Variants in SNX18 observed in about 807,000 individuals in gnomAD.
SNX18 encodes sorting nexin-18.
SNX18 carries 35 observed loss-of-function variants against 48.7 expected under a neutral mutation model. The observed-to-expected ratio is 0.72, with a 90% CI of 0.55 to 0.95. SNX18 has a LOEUF of 0.95. SNX18 is among the 40% of genes least tolerant of loss of function. The pLI, the probability that SNX18 is intolerant of heterozygous loss-of-function variation, is 0.00. For missense variants in SNX18, 824 were observed against 871.0 expected, an observed-to-expected ratio of 0.95 and a Z score of 0.68; for synonymous variants, 492 against 384.7, an observed-to-expected ratio of 1.28 and a Z score of -3.26.
At chr5:54,588,309 T>TA in the SNX18 span, among the ~76,000 whole-genome samples, 1,552 of 7,496 alleles carry the variant, frequency 0.21, 34 homozygotes, top group South Asian at 0.25. Flanking sequence ...TTCTATTCTT[T>TA]TTTTTTTTTT....
chr5:54,593,667 G>A, the SNX18 span, among the ~76,000 whole-genome samples: 3 of 152,192 alleles, frequency 2.0e-5, no homozygotes, highest in Non-Finnish European at 2.9e-5. Context: ...GTAATCCACA[G>A]AGTGTGGTGT....
At chr5:54,646,460 C>A in the SNX18 span, among the ~76,000 whole-genome samples, 7 of 152,338 alleles carry the variant, frequency 4.6e-5, no homozygotes, top group African/African-American at 1.7e-4. Flanking sequence ...TCACTGCTGC[C>A]GGTTGCCCTG....
chr5:54,542,944 G>A (rs760238849), intron 1 of SNX18, among the ~76,000 whole-genome samples: 1 of 152,130 alleles, frequency 6.6e-6, no homozygotes, highest in African/African-American at 2.4e-5. Context: ...CTTGGTCAAT[G>A]TAACAAACAC....
rs1762210540 is a variant in SNX18, at chr5:54,529,388, T to G, written c.1621+9815T>G. Among the ~76,000 whole-genome samples, 4 of 152,320 alleles carry G rather than the reference T, an allele frequency of 2.6e-5. No individual in the cohort carries two copies. The South Asian group carries it at 8.3e-4, about 32-fold the overall frequency. On this transcript the variant is annotated intron_variant, in intron 1 of 1. Coordinates refer to ENST00000381410, the MANE Select transcript of SNX18 (RefSeq NM_001102575.2). The stretch of plus-strand genomic sequence containing the variant: ...CGCCTGTTTGTTACAGTGCTTGAGC[T>G]AAGAATGGTTTTTGTATTTTTAAAT...
At chr5:54,625,258 T>A in the SNX18 span, among the ~76,000 whole-genome samples, 2 of 152,198 alleles carry the variant, frequency 1.3e-5, no homozygotes, top group African/African-American at 2.4e-5. Flanking sequence ...TCACAACTTC[T>A]GTGGGTCAGA....
chr5:54,612,419 C>T, the SNX18 span, among the ~76,000 whole-genome samples: 274 of 152,082 alleles, frequency 1.8e-3, no homozygotes, highest in Non-Finnish European at 3.1e-3. Context: ...CCACCACACC[C>T]GGCTACTTTT....
chr5:54,548,491 T>C (rs1762608678), downstream of SNX18, among the ~76,000 whole-genome samples: 1 of 152,228 alleles, frequency 6.6e-6, no homozygotes, highest in Non-Finnish European at 1.5e-5. Context: ...AAGGCAGCAA[T>C]TTGGAGCCAG....
chr5:54,618,205 T>C, the SNX18 span, among the ~76,000 whole-genome samples: 2 of 152,194 alleles, frequency 1.3e-5, no homozygotes, highest in Admixed American at 6.5e-5. Flanking sequence ...CCTGCCGCCA[T>C]GTGAAGAAGG....
chr5:54,525,535 C>T (rs1026407255), intron 1 of SNX18, among the ~76,000 whole-genome samples: 3 of 152,270 alleles, frequency 2.0e-5, no homozygotes, highest in South Asian at 2.1e-4. Flanking sequence ...TTAATCAGTT[C>T]GCCCTGTATT....
the SNX18 span, among the ~76,000 whole-genome samples, chr5:54,620,984 TTA>T: frequency 6.6e-6 from 1 of 152,206 alleles, no homozygotes; most frequent in Non-Finnish European, 1.5e-5. Context: ...TCCATTCACA[TTA>T]GGGGTTAGGA....
the SNX18 span, among the ~76,000 whole-genome samples, chr5:54,624,062 G>T: frequency 6.6e-6 from 1 of 152,106 alleles, no homozygotes; most frequent in Non-Finnish European, 1.5e-5. Flanking sequence ...ATCCAGTAGC[G>T]CATTGAGCAG....
the SNX18 span, among the ~76,000 whole-genome samples, chr5:54,626,226 CT>C: frequency 2.6e-5 from 4 of 152,148 alleles, no homozygotes; most frequent in Non-Finnish European, 4.4e-5. Context: ...TCAGCAAGAA[CT>C]TTGGTGTGAT....
downstream of SNX18, chr5:54,546,596 G>C (rs1454343871): frequency 3.3e-5 from 5 of 152,056 alleles, no homozygotes; most frequent in Non-Finnish European, 2.9e-5. Flanking sequence ...AGCTTCAATG[G>C]AATATAATTA....
chr5:54,518,451 G>T lies in SNX18; in HGVS notation c.499G>T (p.Glu167Ter). 6.4e-7 allele frequency: 1 copy of T among 1,572,792 alleles called. No individual in the cohort carries two copies. The highest frequency in any genetic ancestry group is 1.8e-5 in the Admixed American group (1 of 54,136). The change falls in exon 1 of 2, where the codon GAG becomes TAG. Residue 167 changes from glutamate (E) to a stop codon, truncating the protein, a stop_gained. Transcript: ENST00000381410. LOFTEE classifies it high-confidence loss of function. ...EWDDSSTVADEPGALGSGAYP... is the reference protein window; with the variant it reads ...EWDDSSTVAD ...GGACGACAGCTCCACGGTGGCGGAC[G>T]AGCCGGGCGCTCTGGGCAGCGGAGC...
At chr5:54,635,623 C>T in the SNX18 span, among the ~76,000 whole-genome samples, 1 of 152,028 alleles carries the variant, frequency 6.6e-6, no homozygotes, top group African/African-American at 2.4e-5. Context: ...AAATAATGGC[C>T]GTCTATGGGC....
chr5:54,572,652 A>T, the SNX18 span, among the ~76,000 whole-genome samples: 1 of 150,558 alleles, frequency 6.6e-6, no homozygotes, highest in African/African-American at 2.4e-5. Flanking sequence ...ATTTCATAAT[A>T]TGTTGATGCT....
chr5:54,621,282 C>T, the SNX18 span, among the ~76,000 whole-genome samples: 1 of 152,172 alleles, frequency 6.6e-6, no homozygotes, highest in African/African-American at 2.4e-5. Flanking sequence ...ACTTTGCGTT[C>T]TTGCCAGCAT....
At chr5:54,523,320 TATG>T (rs1159411788) in intron 1 of SNX18, among the ~76,000 whole-genome samples, 6 of 152,240 alleles carry the variant, frequency 3.9e-5, no homozygotes, top group Admixed American at 6.5e-5. Flanking sequence ...TTTCCAAAGA[TATG>T]ATCAATCTCT....
At chr5:54,528,876 C>T (rs977823597) in intron 1 of SNX18, among the ~76,000 whole-genome samples, 5 of 152,168 alleles carry the variant, frequency 3.3e-5, no homozygotes, top group South Asian at 2.1e-4. Flanking sequence ...CCTCTCAGAA[C>T]CAGCCGCTGA....
Sources: allele counts gnomAD v4.1 joint callset (sites outside exome capture counted in the v4.1 genomes callset), GRCh38; gene constraint gnomAD v4.1.1; transcripts MANE v1.5; gene names NCBI Gene and HGNC (gene_info 2026-07-23, HGNC 2026-07-21).